Variants in LATS1 observed in about 807,000 individuals in gnomAD.
LATS1 encodes serine/threonine-protein kinase LATS1.
A neutral mutation model predicts 106.6 loss-of-function variants in LATS1; 25 were observed. That is an observed-to-expected ratio of 0.23 (90% CI 0.17 to 0.33). The LOEUF (loss-of-function observed/expected upper bound fraction) is 0.33, where lower values mean the gene tolerates loss of function less well. LATS1 is among the 10% of genes least tolerant of loss of function. LATS1 has a pLI of 1.00. For synonymous variants in LATS1, 465 were observed against 455.6 expected, an observed-to-expected ratio of 1.02 and a Z score of -0.26; for missense variants, 1,040 against 1,382.6, an observed-to-expected ratio of 0.75 and a Z score of 3.93.
Position 149,672,055 on chromosome 6 carries a change from A to ATT in LATS1, c.2883+4203_2883+4204dup, listed in dbSNP as rs557584945. Among the ~76,000 whole-genome samples, 30 of 150,346 alleles carry ATT rather than the reference A, an allele frequency of 2.0e-4. 1 individual carries two copies. In the South Asian group the frequency reaches 3.8e-3, roughly 19 times the overall value. On this transcript the variant is annotated intron_variant, in intron 7 of 7. Transcript: ENST00000543571. ...AGGTGTGTGCAGCCACACCCAGCTAATTTTTTTTTGTATTTTTAGTAGAGA... is the reference window on the plus strand; with the variant it reads ...AGGTGTGTGCAGCCACACCCAGCTAATTTTTTTTTTTGTATTTTTAGTAGAGA...
intron 1 of LATS1, among the ~76,000 whole-genome samples, chr6:149,704,842 AC>A (rs1783661586): frequency 6.6e-6 from 1 of 151,394 alleles, no homozygotes; most frequent in Non-Finnish European, 1.5e-5. Context: ...TTAAAAATAT[AC>A]CCATTTTTAA....
At chr6:149,712,192 TTTTA>T (rs575504971) in intron 1 of LATS1, among the ~76,000 whole-genome samples, 14 of 152,004 alleles carry the variant, frequency 9.2e-5, no homozygotes, top group Admixed American at 1.3e-4. Flanking sequence ...GTCATGTTTC[TTTTA>T]TTTATTTATT....
At chr6:149,677,890 C>T (rs1781806414) in intron 5 of LATS1, among the ~76,000 whole-genome samples, 1 of 151,564 alleles carries the variant, frequency 6.6e-6, no homozygotes, top group Non-Finnish European at 1.5e-5. Context: ...TGTGGTGGAG[C>T]ACACTTGTAA....
At chr6:149,704,061 T>C (rs1783613349) in intron 1 of LATS1, among the ~76,000 whole-genome samples, 1 of 152,260 alleles carries the variant, frequency 6.6e-6, no homozygotes, top group Non-Finnish European at 1.5e-5. Context: ...TGGAGTGCAA[T>C]GGCACGATCT....
At chr6:149,711,528 G>C (rs1039176692) in intron 1 of LATS1, among the ~76,000 whole-genome samples, 1 of 151,940 alleles carries the variant, frequency 6.6e-6, no homozygotes, top group Non-Finnish European at 1.5e-5. Context: ...TGGGTGACAG[G>C]GTGAGACTCC....
In LATS1 at chr6:149,683,895, C is replaced by T. The variant is rs143157058; in HGVS notation, c.1194G>A (p.Ser398=). The change falls in exon 4 of 8, where the codon TCG becomes TCA. Residue 398 remains serine, a synonymous_variant. Transcript: ENST00000543571. ...ALQTGGSAAP[S]SYTNGSIPQS... ...GAGGAATACTTCCATTTGTATATGA[C>T]GAAGGAGCAGCAGATCCCCCTGTTT... The T allele has an allele frequency of 4.0e-4, 639 of 1,614,024 alleles. No homozygotes were observed. Among genetic ancestry groups the T allele is most frequent in the East Asian group, 9.4e-4 (42 of 44,880 alleles).
intron 1 of LATS1, chr6:149,716,301 G>C (rs768877957): frequency 2.0e-5 from 3 of 152,178 alleles, no homozygotes; most frequent in Non-Finnish European, 4.4e-5. Context: ...TCCAGCGCAG[G>C]CAACATAGCG....
intron 1 of LATS1, among the ~76,000 whole-genome samples, chr6:149,703,986 C>T (rs9322214): frequency 0.35 from 52,509 of 152,054 alleles, 10,722 homozygotes; most frequent in East Asian, 0.81. Context: ...TAATATACAT[C>T]TAAGTCAAAA....
Position 149,661,767 on chromosome 6 carries a change from CTG to C in LATS1, c.3353_3354del (p.Thr1118ArgfsTer5). The C allele has an allele frequency of 6.3e-7, 1 of 1,587,562 alleles. No homozygotes were observed. The highest frequency in any genetic ancestry group is 8.6e-7 in the Non-Finnish European group (1 of 1,168,922). On this transcript the variant is annotated frameshift_variant, in exon 8 of 8. Transcript: ENST00000543571. LOFTEE classifies it high-confidence loss of function. ...EQQSDEDDQN[T>X]GSEIKNRDLV... is the part of the protein sequence containing the mutation. The stretch of plus-strand genomic sequence containing the variant: ...AGATCGCGATTTTTAATCTCTGAGC[CTG>C]TGTTTTGATCATCTTCATCCGACTG...
At chr6:149,696,281 C>A (rs1401651587) in intron 2 of LATS1, among the ~76,000 whole-genome samples, 2 of 149,244 alleles carry the variant, frequency 1.3e-5, no homozygotes, top group African/African-American at 4.9e-5. Context: ...AGAAACAACT[C>A]TTTTGGGCTG....
At chr6:149,675,206 ACT>A (rs1450287130) in intron 7 of LATS1, among the ~76,000 whole-genome samples, 1 of 136,466 alleles carries the variant, frequency 7.3e-6, no homozygotes, top group Non-Finnish European at 1.5e-5. Flanking sequence ...ACAGAGCAAG[ACT>A]CTGTATCAAA....
chr6:149,667,416 G>A lies in LATS1; in HGVS notation c.2884-5178C>T, dbSNP rs201415301. Among the ~76,000 whole-genome samples the A allele has an allele frequency of 1.9e-4, 22 of 113,426 alleles. No individual in the cohort carries two copies. The East Asian group carries it at 5.5e-3, about 28-fold the overall frequency. 74.4% of individuals were successfully genotyped at this position (113,426 alleles called of 152,430 possible). On this transcript the variant is annotated intron_variant, in intron 7 of 7. Coordinates refer to ENST00000543571, the MANE Select transcript of LATS1 (RefSeq NM_004690.4). ...ATCATGCCTCCGCACTCCAGCCTGG[G>A]CAACAAAACAAGACTGTATCTCAAA...
intron 2 of LATS1, chr6:149,696,999 C>G: frequency 1.9e-6 from 1 of 529,390 alleles, no homozygotes. Flanking sequence ...TCTTCCACTC[C>G]TTGTACTTTA....
intron 4 of LATS1, among the ~76,000 whole-genome samples, chr6:149,682,046 A>C (rs1004614483): frequency 6.7e-6 from 1 of 149,854 alleles, no homozygotes; most frequent in Non-Finnish European, 1.5e-5. Context: ...CGGGAGGCGG[A>C]GGTTGCAGTG....
rs146858141 is a variant in LATS1 at position 149,704,099 on chromosome 6, G to T, written c.-140-1833C>A. The stretch of plus-strand genomic sequence containing the variant: ...GCTCACTGCAACCTCTACCTCCCGG[G>T]TTCAAGTGATTCTCCTGCCTCAGCC... On this transcript the variant is annotated intron_variant, in intron 1 of 7. Transcript: ENST00000543571. 7.6e-4 allele frequency among the ~76,000 whole-genome samples: 116 copies of T among 152,324 alleles called. 1 individual carries two copies. Among genetic ancestry groups the T allele is most frequent in the African/African-American group, 2.7e-3 (111 of 41,566 alleles).
chr6:149,708,764 G>A (rs1783928951), intron 1 of LATS1, among the ~76,000 whole-genome samples: 1 of 152,180 alleles, frequency 6.6e-6, no homozygotes. Flanking sequence ...GACTCCCACT[G>A]AACTCTGAGC....
chr6:149,666,340 G>T (rs972045686), intron 7 of LATS1, among the ~76,000 whole-genome samples: 1 of 151,622 alleles, frequency 6.6e-6, no homozygotes, highest in Non-Finnish European at 1.5e-5. Flanking sequence ...ATTATAGGCC[G>T]GGTGCGGTGG....
chr6:149,717,810 A>C (rs1784500881), intron 1 of LATS1, 39 bp downstream of exon 1: 1 of 282,144 alleles, frequency 3.5e-6, no homozygotes, highest in Non-Finnish European at 6.9e-6. Flanking sequence ...CAACTCGAGC[A>C]CTGGAGGAGC....
chr6:149,680,113 A>G lies in LATS1; in HGVS notation c.2355T>C (p.Ile785=). The G allele has an allele frequency of 6.2e-7, 1 of 1,613,476 alleles. No homozygotes were observed. The highest frequency in any genetic ancestry group is 8.5e-7 in the Non-Finnish European group (1 of 1,179,576). The part of the protein sequence containing the change: ...KDNLYFVMDY[I]PGGDMMSLLI... ...ATAGGCTCATCATATCACCCCCAGG[A>G]ATGTAGTCCATTACAAAGTATAAAT... The change falls in exon 5 of 8, where the codon ATT becomes ATC. Residue 785 remains isoleucine (I), a synonymous_variant. Coordinates refer to ENST00000543571, the MANE Select transcript of LATS1 (RefSeq NM_004690.4).
Sources: gnomAD v4.1 joint callset for allele counts (sites outside exome capture counted in the v4.1 genomes callset) on GRCh38, gnomAD v4.1.1 for gene constraint, MANE v1.5 for transcripts, NCBI Gene and HGNC (gene_info 2026-07-23, HGNC 2026-07-21) for gene names.